The following DDX55 variants were observed in gnomAD, a reference collection of about 807,000 sequenced individuals.
The protein encoded by DDX55 is ATP-dependent RNA helicase DDX55.
In DDX55, 56 loss-of-function variants were observed where a neutral mutation model predicts 69.2. That is an observed-to-expected ratio of 0.81 (90% CI 0.65 to 1.01). DDX55 has a LOEUF of 1.01. Among genes scored for constraint, DDX55 ranks in the 50% least tolerant of loss-of-function variants. The pLI, the probability that DDX55 is intolerant of heterozygous loss-of-function variation, is 0.00. For synonymous variants in DDX55, 268 were observed against 273.1 expected, an observed-to-expected ratio of 0.98 and a Z score of 0.18; for missense variants, 720 against 745.1, an observed-to-expected ratio of 0.97 and a Z score of 0.39.
chr12:123,603,370 T>A lies in DDX55; in HGVS notation c.108+1114T>A, dbSNP rs1051776063. On this transcript the variant is annotated intron_variant, in intron 1 of 13. Transcript: ENST00000238146. ...AAGTGGAGGTTAGGAAAGAAAAGAC[T>A]ACAGGACCTGAGGTTTTTATTCTTT... 6.1e-3 allele frequency among the ~76,000 whole-genome samples: 6 copies of A among 978 alleles called. No homozygotes were observed. In the Non-Finnish European group the frequency reaches 0.081, roughly 13 times the overall value. 0.6% of individuals were successfully genotyped at this position (978 alleles called of 152,430 possible).
chr12:123,603,517 A>C (rs7979561), intron 1 of DDX55, among the ~76,000 whole-genome samples: 30,918 of 150,374 alleles, frequency 0.21, 3,561 homozygotes, highest in Middle Eastern at 0.29. Context: ...GAACCTCCCA[A>C]GTAGCTGAGA....
chr12:123,610,736 C>T (rs1298458189), intron 7 of DDX55, among the ~76,000 whole-genome samples: 4 of 150,884 alleles, frequency 2.7e-5, no homozygotes, highest in Admixed American at 6.6e-5. Flanking sequence ...CTCAGCCTCC[C>T]GAATAGCTGG....
At position 123,620,004 on chromosome 12, in the gene DDX55, A is replaced by G. The variant is rs10773019; in HGVS notation, c.1667A>G (p.Asn556Ser). 87,275 of 1,614,000 alleles carry G rather than the reference A, an allele frequency of 0.054. 3,217 individuals are homozygous for G. Among genetic ancestry groups the G allele is most frequent in the African/African-American group, 0.14 (10,717 of 75,006 alleles). The change falls in exon 14 of 14, where the codon AAT becomes AGT. Residue 556 changes from asparagine (N) to serine (S), a missense_variant. Coordinates refer to ENST00000238146, the MANE Select transcript of DDX55 (RefSeq NM_020936.3). Reference sequence around the variant, plus strand: ...GATGAGGACATGGAAGAACTTCTTAATGACACAAGACTCTTGAAAAAACTT... The same window carrying G: ...GATGAGGACATGGAAGAACTTCTTAGTGACACAAGACTCTTGAAAAAACTT... ...IEDEDMEELL[N>S]DTRLLKKLKK...
chr12:123,616,666 C>T (rs1954692447), intron 10 of DDX55, 63 bp downstream of exon 10: 9 of 1,501,214 alleles, frequency 6.0e-6, no homozygotes, highest in South Asian at 4.5e-5. Context: ...GGAGGAATCC[C>T]GAAGAAGATA....
chr12:123,604,110 T>A (rs565814770), intron 1 of DDX55, among the ~76,000 whole-genome samples: 3 of 151,998 alleles, frequency 2.0e-5, no homozygotes, highest in Admixed American at 2.0e-4. Flanking sequence ...ACAAGAGTCC[T>A]GTTTTTAAAC....
chr12:123,602,193 G>T lies in DDX55; in HGVS notation c.45G>T (p.Pro15=). The T allele has an allele frequency of 6.4e-7, 1 of 1,571,210 alleles. No homozygotes were observed. The change falls in exon 1 of 14, where the codon CCG becomes CCT. Residue 15 remains proline (P), a synonymous_variant. Transcript: ENST00000238146. ...TEGSWESLPV[P]LHPQVLGALR... ...GCTCCTGGGAGTCGCTGCCTGTGCC[G>T]CTGCACCCGCAGGTGCTGGGCGCGC...
chr12:123,617,277 C>T (rs1354629558), intron 10 of DDX55, among the ~76,000 whole-genome samples: 5 of 152,184 alleles, frequency 3.3e-5, no homozygotes, highest in Non-Finnish European at 5.9e-5. Flanking sequence ...CAGAAACACA[C>T]AATAGAATGT....
chr12:123,609,409 CTG>C (rs1257621063), intron 6 of DDX55, among the ~76,000 whole-genome samples: 2 of 139,340 alleles, frequency 1.4e-5, no homozygotes, highest in Non-Finnish European at 1.5e-5. Context: ...GGGTCTCACT[CTG>C]TCATCCAGGC....
At position 123,607,616 on chromosome 12, in the gene DDX55, G is replaced by C; in HGVS notation, c.355G>C (p.Gly119Arg). ...TTGTTGTAGCCAGATTCTTTGGATC[G>C]GAGGCAGGAATCCTGGAGAAGATGT... ...FPEFSQILWIGGRNPGEDVER... is the reference protein window; with the variant it reads ...FPEFSQILWIRGRNPGEDVER... The change falls in exon 5 of 14, where the codon GGA (glycine) becomes CGA (arginine). Residue 119 changes from glycine (G) to arginine (R), a missense_variant. Coordinates refer to ENST00000238146, the MANE Select transcript of DDX55 (RefSeq NM_020936.3). 1 of 1,614,142 alleles carries C rather than the reference G, an allele frequency of 6.2e-7. No individual in the cohort carries two copies. Among genetic ancestry groups the C allele is most frequent in the African/African-American group, 1.3e-5 (1 of 75,036 alleles).
Position 123,602,181 on chromosome 12 carries a change from G to T in DDX55, c.33G>T (p.Ser11=), listed in dbSNP as rs986350685. 1.3e-6 allele frequency: 2 copies of T among 1,565,724 alleles called. No individual in the cohort carries two copies. The highest frequency in any genetic ancestry group is 2.7e-5 in the African/African-American group (2 of 73,792). MEHVTEGSWE[S]LPVPLHPQVL... is the part of the protein sequence containing the mutation. Reference sequence around the variant, plus strand: ...ATGTGACAGAGGGCTCCTGGGAGTCGCTGCCTGTGCCGCTGCACCCGCAGG... The same window carrying T: ...ATGTGACAGAGGGCTCCTGGGAGTCTCTGCCTGTGCCGCTGCACCCGCAGG... Residue 11 remains serine (S), a synonymous_variant, in exon 1 of 14, where the codon TCG becomes TCT. Coordinates refer to ENST00000238146, the MANE Select transcript of DDX55 (RefSeq NM_020936.3).
rs1253585910 is a variant in DDX55, at chr12:123,602,134, G to A, written c.-15G>A. 2 of 1,541,046 alleles carry A rather than the reference G, an allele frequency of 1.3e-6. No homozygotes were observed. Among genetic ancestry groups the A allele is most frequent in the African/African-American group, 2.7e-5 (2 of 72,732 alleles). On this transcript the variant is annotated 5_prime_UTR_variant, in exon 1 of 14. Transcript: ENST00000238146. ...CGTTCGAGCAGCGGCGACCGACGCG[G>A]CGAAGGAGCGCGCCATGGAGCATGT...
At chr12:123,618,329 G>A in intron 11 of DDX55, 2 of 582,284 alleles carry the variant, frequency 3.4e-6, no homozygotes, top group South Asian at 2.8e-5. Flanking sequence ...TGGGCTTTAA[G>A]GCTGTGGAGG....
Position 123,615,415 on chromosome 12 carries a change from TTG to T in DDX55, c.956+101_956+102del, listed in dbSNP as rs1954581631. ...TAGTAGCCTGTGCTGTCCGCATGTG[TTG>T]TCTTTCCTGCCTGGAACCCTCTTCC... is the stretch of plus-strand genomic sequence containing the variant. On this transcript the variant is annotated intron_variant, in intron 9 of 13. Coordinates refer to ENST00000238146, the MANE Select transcript of DDX55 (RefSeq NM_020936.3). 2.0e-6 allele frequency: 3 copies of T among 1,498,986 alleles called. No homozygotes were observed. The South Asian group carries it at 3.8e-5, about 19-fold the overall frequency. The allele number at this position is 1,498,986 out of a possible 1,614,324, so 92.9% of individuals were successfully genotyped here.
intron 13 of DDX55, 85 bp from the exon 14 acceptor site, chr12:123,619,879 T>C (rs1593769186): frequency 6.5e-7 from 1 of 1,532,706 alleles, no homozygotes; most frequent in East Asian, 2.3e-5. Flanking sequence ...TCTGAGAGCT[T>C]ATAGTTCTTG....
chr12:123,608,343 C>G (rs1354244496), intron 5 of DDX55: 1 of 200,012 alleles, frequency 5.0e-6, no homozygotes, highest in Non-Finnish European at 1.0e-5. Context: ...ACTTACTCAA[C>G]TGCTGTTGTA....
intron 5 of DDX55, 122 bp downstream of exon 5, chr12:123,607,784 G>C: frequency 7.1e-7 from 1 of 1,406,952 alleles, no homozygotes; most frequent in South Asian, 1.2e-5. Flanking sequence ...CTGCAAAAAG[G>C]TGTTTTCTCC....
Position 123,620,080 on chromosome 12 carries a change from T to G in DDX55, c.1743T>G (p.Thr581=), listed in dbSNP as rs749519568. 3.1e-6 allele frequency: 5 copies of G among 1,614,182 alleles called. No individual in the cohort carries two copies. In the Admixed American group the frequency reaches 8.3e-5, roughly 27 times the overall value. Residue 581 remains threonine (T), a synonymous_variant, in exon 14 of 14, where the codon ACT becomes ACG. Transcript: ENST00000238146. ...AATTTGAGAAGGGCTTGTTGACAACTGGCAAAAGAACAATCAAGACAGTGG... is the reference window on the plus strand; with the variant it reads ...AATTTGAGAAGGGCTTGTTGACAACGGGCAAAAGAACAATCAAGACAGTGG... ...EEEFEKGLLT[T]GKRTIKTVDL...
chr12:123,609,620 A>G (rs903614733), intron 6 of DDX55, among the ~76,000 whole-genome samples: 3 of 151,888 alleles, frequency 2.0e-5, no homozygotes, highest in Non-Finnish European at 2.9e-5. Context: ...AGATCTTCCC[A>G]TCCCAGTCTC....
At chr12:123,606,583 C>CTTTTTTT (rs11445443) in intron 3 of DDX55, among the ~76,000 whole-genome samples, 2 of 138,502 alleles carry the variant, frequency 1.4e-5, no homozygotes, top group African/African-American at 2.7e-5. Context: ...TGTTTTTTAC[C>CTTTTTTT]TTTTTTTTTT....
Sources: allele counts gnomAD v4.1 joint callset (sites outside exome capture counted in the v4.1 genomes callset), GRCh38; gene constraint gnomAD v4.1.1; transcripts MANE v1.5; gene names NCBI Gene and HGNC (gene_info 2026-07-23, HGNC 2026-07-21).